The following CASKIN1 variants were observed in gnomAD, a reference collection of about 807,000 sequenced individuals.
CASKIN1 encodes the protein caskin-1.
In CASKIN1, 42 loss-of-function variants were observed where a neutral mutation model predicts 117.5. That is an observed-to-expected ratio of 0.36 (90% CI 0.28 to 0.46). The LOEUF (loss-of-function observed/expected upper bound fraction) is 0.46, where lower values mean the gene tolerates loss of function less well. CASKIN1 is among the 20% of genes least tolerant of loss of function. CASKIN1 has a pLI of 1.00. For missense variants in CASKIN1, 2,083 were observed against 2,077.3 expected, an observed-to-expected ratio of 1.00 and a Z score of -0.05; for synonymous variants, 1,148 against 961.7, an observed-to-expected ratio of 1.19 and a Z score of -3.59.
At chr16:2,183,966 C>T (rs907859617) in intron 14 of CASKIN1, 25 bp from the exon 15 acceptor site, 13 of 1,513,244 alleles carry the variant, frequency 8.6e-6, no homozygotes, top group African/African-American at 2.8e-5. Context: ...GCACCCACTG[C>T]AGGCTCGCCT....
chr16:2,190,054 G>A lies in CASKIN1; in HGVS notation c.244+19C>T. ...TGCCCCCGCCCCTGCCCCCACCAGA[G>A]GCCCTCGGCTAGTCTTGCCTTTGTT... On this transcript the variant is annotated intron_variant, in intron 3 of 19. Coordinates refer to ENST00000343516, the MANE Select transcript of CASKIN1 (RefSeq NM_020764.4). 2 of 1,589,642 alleles carry A rather than the reference G, an allele frequency of 1.3e-6. No homozygotes were observed. Among genetic ancestry groups the A allele is most frequent in the Non-Finnish European group, 1.7e-6 (2 of 1,160,504 alleles).
At position 2,177,971 on chromosome 16, in the gene CASKIN1, G is replaced by C; in HGVS notation, c.*579C>G. On this transcript the variant is annotated 3_prime_UTR_variant, in exon 20 of 20. Coordinates refer to ENST00000343516, the MANE Select transcript of CASKIN1 (RefSeq NM_020764.4). ...CCTGGGCCTCTAACAGCTTTTGTCCGGAGCTAGACTTCGTGTCCTTTCAGT... is the reference window on the plus strand; with the variant it reads ...CCTGGGCCTCTAACAGCTTTTGTCCCGAGCTAGACTTCGTGTCCTTTCAGT... The C allele has an allele frequency of 2.7e-6, 1 of 370,206 alleles. No homozygotes were observed. Among genetic ancestry groups the C allele is most frequent in the Non-Finnish European group, 5.1e-6 (1 of 196,912 alleles). The allele number at this position is 370,206 out of a possible 1,614,324, so 22.9% of individuals were successfully genotyped here.
chr16:2,182,585 A>T lies in CASKIN1; in HGVS notation c.1630-656T>A, dbSNP rs1181751803. Among the ~76,000 whole-genome samples, 2 of 152,164 alleles carry T rather than the reference A, an allele frequency of 1.3e-5. No individual in the cohort carries two copies. Among genetic ancestry groups the T allele is most frequent in the Admixed American group, 6.5e-5 (1 of 15,278 alleles). ...CCCGTGGGACCCGGACCTGACCCCT[A>T]GGAGGATCCCCGAGCCACCAATTGA... On this transcript the variant is annotated intron_variant, in intron 16 of 19. Coordinates refer to ENST00000343516, the MANE Select transcript of CASKIN1 (RefSeq NM_020764.4). The surrounding 1 kb of genome is among the most constrained non-coding windows in gnomAD (Gnocchi z 4.1).
Position 2,180,532 on chromosome 16 carries a change from G to C in CASKIN1, c.2836C>G (p.Pro946Ala). 1 of 1,546,380 alleles carries C rather than the reference G, an allele frequency of 6.5e-7. No individual in the cohort carries two copies. The highest frequency in any genetic ancestry group is 8.7e-7 in the Non-Finnish European group (1 of 1,152,582). ...CTGGAGCGCTTGGGTGGGGGCGGCGGGGGCCCCTTCTTTCGGGGCCGCACG... is the reference window on the plus strand; with the variant it reads ...CTGGAGCGCTTGGGTGGGGGCGGCGCGGGCCCCTTCTTTCGGGGCCGCACG... The part of the protein sequence containing the change: ...FAVRPRKKGP[P>A]PPPPKRSSSA... The change falls in exon 18 of 20, where the codon CCG becomes GCG. Residue 946 changes from proline to alanine, a missense_variant. Transcript: ENST00000343516.
At chr16:2,194,422 C>G (rs573749525) in intron 1 of CASKIN1, among the ~76,000 whole-genome samples, 1 of 152,118 alleles carries the variant, frequency 6.6e-6, no homozygotes, top group African/African-American at 2.4e-5. Flanking sequence ...CTGGCTGAGC[C>G]TGGGGTGACT....
At chr16:2,183,292 GGC>G in intron 16 of CASKIN1, among the ~76,000 whole-genome samples, 1 of 152,334 alleles carries the variant, frequency 6.6e-6, no homozygotes, top group South Asian at 2.1e-4. Context: ...CCGTAAGCAT[GGC>G]CCCCTACAGT....
Position 2,180,999 on chromosome 16 carries a change from G to A in CASKIN1, c.2369C>T (p.Ala790Val). The part of the protein sequence containing the change: ...PTKTRPGSPQ[A>V]LGGPHGPAPA... ...GGCTGGACCATGAGGTCCCCCAAGG[G>A]CCTGGGGAGAGCCTGGTCGGGTTTT... The change falls in exon 18 of 20, where the codon GCC becomes GTC. Residue 790 changes from alanine to valine, a missense_variant. Ala to Val is a moderately conservative substitution (Grantham distance 64, BLOSUM62 0). Around this residue, in one of 3 missense-constraint regions of CASKIN1, gnomAD observed 1,818 missense variants for 1,688.9 expected, o/e 1.08. Coordinates refer to ENST00000343516, the MANE Select transcript of CASKIN1 (RefSeq NM_020764.4). The A allele has an allele frequency of 6.7e-7, 1 of 1,485,636 alleles. No individual in the cohort carries two copies. Among genetic ancestry groups the A allele is most frequent in the Middle Eastern group, 1.8e-4 (1 of 5,474 alleles). 92.0% of individuals were successfully genotyped at this position (1,485,636 alleles called of 1,614,324 possible). A position where few individuals can be genotyped will look rare whatever the true frequency, so the allele number is the denominator to read the frequency against.
In CASKIN1 at chr16:2,178,494, T is replaced by TGCG. The variant is rs2093151891; in HGVS notation, c.*55_*56insCGC. 1.4e-6 allele frequency: 2 copies of TGCG among 1,385,516 alleles called. No individual in the cohort carries two copies. Among genetic ancestry groups the TGCG allele is most frequent in the African/African-American group, 3.0e-5 (2 of 65,584 alleles). The allele number at this position is 1,385,516 out of a possible 1,614,324, so 85.8% of individuals were successfully genotyped here. A position where few individuals can be genotyped will look rare whatever the true frequency, so the allele number is the denominator to read the frequency against. ...GCCCAGACGCGCCCATCCTGAGGTA[T>TGCG]AGGTCAGTGTGCGGGGAGGGCCCGG... is the stretch of plus-strand genomic sequence containing the variant. On this transcript the variant is annotated 3_prime_UTR_variant, in exon 20 of 20. Transcript: ENST00000343516.
rs760271494 is a variant in CASKIN1, at chr16:2,179,672, C to T, written c.3696G>A (p.Leu1232=). 6 of 1,517,102 alleles carry T rather than the reference C, an allele frequency of 4.0e-6. No homozygotes were observed. Among genetic ancestry groups the T allele is most frequent in the Non-Finnish European group, 5.3e-6 (6 of 1,139,266 alleles). The allele number at this position is 1,517,102 out of a possible 1,614,324, so 94.0% of individuals were successfully genotyped here. The change falls in exon 18 of 20, where the codon CTG becomes CTA. Residue 1232 remains leucine, a synonymous_variant. Coordinates refer to ENST00000343516, the MANE Select transcript of CASKIN1 (RefSeq NM_020764.4). The surrounding 1 kb of genome is among the most constrained non-coding windows in gnomAD (Gnocchi z 5.8). Reference sequence around the variant, plus strand: ...CCTGGAGCTTGGGCACAGGCTGCGTCAGGACGGGCTTGGGAGAGACAGGCG... The same window carrying T: ...CCTGGAGCTTGGGCACAGGCTGCGTTAGGACGGGCTTGGGAGAGACAGGCG... ...AKPPVSPKPV[L]TQPVPKLQGS...
chr16:2,194,100 T>TG (rs2093208740), intron 1 of CASKIN1, among the ~76,000 whole-genome samples: 1 of 152,154 alleles, frequency 6.6e-6, no homozygotes, highest in African/African-American at 2.4e-5. Flanking sequence ...TCCCCACCTC[T>TG]GGGGTCCAGT....
At chr16:2,185,837 C>T (rs1325797207) in intron 10 of CASKIN1, among the ~76,000 whole-genome samples, 1 of 152,264 alleles carries the variant, frequency 6.6e-6, no homozygotes, top group Non-Finnish European at 1.5e-5. Flanking sequence ...GCAGCTGCCA[C>T]ATGGGGCTTC....
chr16:2,196,453 G>A lies in CASKIN1; in HGVS notation c.-21C>T, dbSNP rs1052652124. 7.5e-6 allele frequency: 9 copies of A among 1,200,246 alleles called. No individual in the cohort carries two copies. Among genetic ancestry groups the A allele is most frequent in the Middle Eastern group, 3.3e-4 (1 of 3,024 alleles). 74.3% of individuals were successfully genotyped at this position (1,200,246 alleles called of 1,614,324 possible). A position where few individuals can be genotyped will look rare whatever the true frequency, so the allele number is the denominator to read the frequency against. On this transcript the variant is annotated 5_prime_UTR_variant, in exon 1 of 20. Transcript: ENST00000343516. This position sits in a 1 kb window ranked among gnomAD's most constrained non-coding sequence, Gnocchi z 5.7. ...CCCATGGCGCGGCCGGGGCCGCAGC[G>A]ACGCGGCTGCGCTCGTGAGCTCGGC...
Position 2,178,376 on chromosome 16 carries a change from CCCCCGGCCAGGCGGT to C in CASKIN1, c.*159_*173del, listed in dbSNP as rs1567256289. ...CAGGGTCTGCCTAGAGCCCTTGGAG[CCCCCGGCCAGGCGGT>C]CCCCGGTGGGCGCCCCGGCCCGGGT... On this transcript the variant is annotated 3_prime_UTR_variant, in exon 20 of 20. Transcript: ENST00000343516. 8.6e-6 allele frequency: 4 copies of C among 465,474 alleles called. No individual in the cohort carries two copies. Among genetic ancestry groups the C allele is most frequent in the Admixed American group, 4.5e-5 (1 of 22,422 alleles). The allele number at this position is 465,474 out of a possible 1,614,324, so 28.8% of individuals were successfully genotyped here. A position where few individuals can be genotyped will look rare whatever the true frequency, so the allele number is the denominator to read the frequency against.
intron 1 of CASKIN1, among the ~76,000 whole-genome samples, chr16:2,193,578 C>T (rs940217121): frequency 2.0e-5 from 3 of 152,244 alleles, no homozygotes; most frequent in African/African-American, 7.2e-5. Context: ...CCTCCCACAG[C>T]TGAGGCAGCC....
chr16:2,187,364 G>A lies in CASKIN1; in HGVS notation c.715C>T (p.Leu239=). The A allele has an allele frequency of 6.2e-7, 1 of 1,612,910 alleles. No homozygotes were observed. The highest frequency in any genetic ancestry group is 1.1e-5 in the South Asian group (1 of 91,086). Residue 239 remains leucine (L), a synonymous_variant, in exon 7 of 20, where the codon CTG becomes TTG. Transcript: ENST00000343516. ...GGCCCCACACTCACATCCAGCAGCAGCCGCACCACCTCTGTCTTTCCGCAG... is the reference window on the plus strand; with the variant it reads ...GGCCCCACACTCACATCCAGCAGCAACCGCACCACCTCTGTCTTTCCGCAG... ...ALCGKTEVVR[L]LLDSGINAHV... is the part of the protein sequence containing the mutation.
At chr16:2,178,810 CCA>C (rs2141307380) in intron 19 of CASKIN1, 90 bp downstream of exon 19, 1 of 1,319,256 alleles carries the variant, frequency 7.6e-7, no homozygotes, top group African/African-American at 1.7e-5. Flanking sequence ...CGAGCCCCGC[CCA>C]TCTCTGCCGA....
intron 10 of CASKIN1, 135 bp from the exon 11 acceptor site, chr16:2,185,543 C>G (rs766562711): frequency 1.1e-5 from 8 of 730,804 alleles, no homozygotes; most frequent in Non-Finnish European, 1.8e-5. Context: ...GAGCTGATAG[C>G]CCCTCGGAAG....
In CASKIN1 at chr16:2,181,375, T is replaced by C. The variant is rs1262049316; in HGVS notation, c.1993A>G (p.Met665Val). ...SELSDELQAA[M>V]TGPAEVGPTT... is the part of the protein sequence containing the mutation. ...GGCCCCACCTCAGCCGGGCCAGTCA[T>C]GGCAGCCTGCAGCTCGTCACTGAGC... The change falls in exon 18 of 20, where the codon ATG becomes GTG. Residue 665 changes from methionine (M) to valine (V), a missense_variant. Transcript: ENST00000343516. The C allele has an allele frequency of 4.4e-6, 7 of 1,609,076 alleles. No individual in the cohort carries two copies. Among genetic ancestry groups the C allele is most frequent in the African/African-American group, 1.3e-5 (1 of 74,862 alleles).
In CASKIN1 at chr16:2,179,812, C is replaced by G. The variant is rs748133481; in HGVS notation, c.3556G>C (p.Ala1186Pro). The change falls in exon 18 of 20, where the codon GCT becomes CCT. Residue 1186 changes from alanine to proline, a missense_variant. Physicochemically the swap from Ala to Pro is conservative, Grantham distance 27. Transcript: ENST00000343516. This position sits in a 1 kb window ranked among gnomAD's most constrained non-coding sequence, Gnocchi z 5.8. ...GGTGGAGGCAGCTCCGGAGGCCCAG[C>G]CTGCTCCGAGGCCGGTCGGCGGCGC... ...TVRRRPASEQ[A>P]GPPELPPPPP... 6 of 1,585,112 alleles carry G rather than the reference C, an allele frequency of 3.8e-6. No individual in the cohort carries two copies. In the East Asian group the frequency reaches 9.2e-5, roughly 24 times the overall value.
Sources: gnomAD v4.1 joint callset for allele counts (sites outside exome capture counted in the v4.1 genomes callset) on GRCh38, gnomAD v4.1.1 for gene constraint, gnomAD v4.1.1 regional missense constraint, Gnocchi (gnomAD v3.1) non-coding constraint, MANE v1.5 for transcripts, NCBI Gene and HGNC (gene_info 2026-07-23, HGNC 2026-07-21) for gene names.